The following VWA3A variants were observed in gnomAD, a reference collection of about 807,000 sequenced individuals.
The protein encoded by VWA3A is von Willebrand factor A domain containing 3A.
Under a neutral mutation model 160.4 loss-of-function variants are expected in VWA3A, and 134 were observed. The ratio of observed to expected loss-of-function variants is 0.84; its 90% CI spans 0.73 to 0.96. VWA3A has a LOEUF of 0.96. VWA3A is among the 40% of genes least tolerant of loss of function. The pLI, the probability that VWA3A is intolerant of heterozygous loss-of-function variation, is 0.00. For synonymous variants in VWA3A, 476 were observed against 543.4 expected, an observed-to-expected ratio of 0.88 and a Z score of 1.72; for missense variants, 1,310 against 1,447.9, an observed-to-expected ratio of 0.90 and a Z score of 1.55.
chr16:22,134,156 A>AG (rs1209184704), intron 20 of VWA3A, among the ~76,000 whole-genome samples: 1 of 151,818 alleles, frequency 6.6e-6, no homozygotes, highest in Non-Finnish European at 1.5e-5. Flanking sequence ...TTTATAGAGA[A>AG]GGGGTCTCAC....
intron 9 of VWA3A, chr16:22,116,196 AAG>A (rs2045641752): frequency 1.1e-5 from 4 of 350,434 alleles, no homozygotes; most frequent in South Asian, 8.8e-5. Context: ...AAGGAAAGAA[AAG>A]AGAAAGGAAA....
intron 1 of VWA3A, among the ~76,000 whole-genome samples, chr16:22,094,249 C>A (rs779566880): frequency 7.9e-5 from 12 of 151,906 alleles, no homozygotes; most frequent in Non-Finnish European, 1.3e-4. Context: ...GGCCAGTGTT[C>A]ATGAGGCATT....
chr16:22,096,744 C>A (rs778059204), intron 1 of VWA3A, 115 bp from the exon 2 acceptor site: 4 of 706,554 alleles, frequency 5.7e-6, no homozygotes, highest in African/African-American at 3.7e-5. Flanking sequence ...GACCCTATCT[C>A]AAAAAAAAAT....
At chr16:22,155,948 G>A in intron 33 of VWA3A, 32 bp downstream of exon 33, 1 of 1,604,906 alleles carries the variant, frequency 6.2e-7, no homozygotes, top group Non-Finnish European at 8.5e-7. Context: ...CATACTACCT[G>A]AGTGTGCACT....
chr16:22,127,444 G>GT (rs1191544192), intron 17 of VWA3A, among the ~76,000 whole-genome samples: 2 of 152,086 alleles, frequency 1.3e-5, no homozygotes, highest in East Asian at 1.9e-4. Context: ...TATATATATA[G>GT]TTTTTTAAAT....
In VWA3A at chr16:22,115,918, GAAGGAAAGGA is replaced by G. The variant is rs374423811; in HGVS notation, c.815+458_815+467del. ...GGAAGGAAGGAAGGAAGGAAGGAAG[GAAGGAAAGGA>G]AAGGAAAGGAAGGGAGGAGGGGGTG... On this transcript the variant is annotated intron_variant, in intron 9 of 33. Transcript: ENST00000389398. Among the ~76,000 whole-genome samples the G allele has an allele frequency of 5.8e-3, 181 of 31,352 alleles. 41 individuals carry two copies. The African/African-American group carries it at 0.059, about 10-fold the overall frequency. 20.6% of individuals were successfully genotyped at this position (31,352 alleles called of 152,430 possible). A position where few individuals can be genotyped will look rare whatever the true frequency, so the allele number is the denominator to read the frequency against.
At position 22,100,279 on chromosome 16, in the gene VWA3A, T is replaced by C; in HGVS notation, c.311T>C (p.Leu104Pro). The C allele has an allele frequency of 6.4e-7, 1 of 1,551,516 alleles. No individual in the cohort carries two copies. The highest frequency in any genetic ancestry group is 1.4e-5 in the African/African-American group (1 of 73,108). ...LSAHSLKCQK[L>P]TLADLISQGT... ...GCTCACAGTTTAAAATGTCAGAAACTCACCTTGGCTGACCTGATAAGCCAG... is the reference window on the plus strand; with the variant it reads ...GCTCACAGTTTAAAATGTCAGAAACCCACCTTGGCTGACCTGATAAGCCAG... The change falls in exon 4 of 34, where the codon CTC (leucine) becomes CCC (proline). Residue 104 changes from leucine (L) to proline (P), a missense_variant. Leu to Pro is a moderately conservative substitution (Grantham distance 98). Transcript: ENST00000389398.
Position 22,119,082 on chromosome 16 carries a change from C to T in VWA3A, c.1116+55C>T, listed in dbSNP as rs937923438. Reference sequence around the variant, plus strand: ...CTTCTCCCAGCAGCACTCAGCTGGCCTCGTTCCCCTTTCTCACCTGTTCAT... The same window carrying T: ...CTTCTCCCAGCAGCACTCAGCTGGCTTCGTTCCCCTTTCTCACCTGTTCAT... On this transcript the variant is annotated intron_variant, in intron 12 of 33. Coordinates refer to ENST00000389398, the MANE Select transcript of VWA3A (RefSeq NM_173615.5). The T allele has an allele frequency of 2.6e-6, 4 of 1,539,342 alleles. No homozygotes were observed. The African/African-American group carries it at 5.5e-5, about 21-fold the overall frequency.
At chr16:22,153,074 G>A (rs1008299698) in intron 31 of VWA3A, among the ~76,000 whole-genome samples, 4 of 152,150 alleles carry the variant, frequency 2.6e-5, no homozygotes, top group Admixed American at 6.5e-5. Flanking sequence ...AGCTGGGCAC[G>A]GTGGTTCACA....
chr16:22,131,854 A>G, intron 19 of VWA3A, 125 bp downstream of exon 19: 2 of 1,320,282 alleles, frequency 1.5e-6, no homozygotes, highest in South Asian at 3.1e-5. Flanking sequence ...ACTTTAATGT[A>G]TAGACAAGCA....
Position 22,156,076 on chromosome 16 carries a change from C to T in VWA3A, c.*59C>T. The T allele has an allele frequency of 1.3e-6, 1 of 744,022 alleles. No individual in the cohort carries two copies. Among genetic ancestry groups the T allele is most frequent in the East Asian group, 2.7e-5 (1 of 36,680 alleles). The allele number at this position is 744,022 out of a possible 1,614,324, so 46.1% of individuals were successfully genotyped here. A position where few individuals can be genotyped will look rare whatever the true frequency, so the allele number is the denominator to read the frequency against. ...ACCACTCACTGAGCAAATCTCAGCC[C>T]CGAGGGCAGGATGGGATGAAATGCT... On this transcript the variant is annotated 3_prime_UTR_variant, in exon 34 of 34. Coordinates refer to ENST00000389398, the MANE Select transcript of VWA3A (RefSeq NM_173615.5).
chr16:22,133,486 A>G (rs1197489825), intron 20 of VWA3A, among the ~76,000 whole-genome samples: 1 of 151,954 alleles, frequency 6.6e-6, no homozygotes, highest in Non-Finnish European at 1.5e-5. Flanking sequence ...ACTCTATTAA[A>G]AATACAAAAA....
chr16:22,092,755 G>A (rs1221620376), intron 1 of VWA3A, 104 bp downstream of exon 1: 16 of 1,437,896 alleles, frequency 1.1e-5, no homozygotes, highest in Non-Finnish European at 1.0e-5. Flanking sequence ...AGCTTGGGGT[G>A]TGAAGTGTCC....
Position 22,148,245 on chromosome 16 carries a change from CA to C in VWA3A, c.2924del (p.Gln975ArgfsTer3). ...GTCAGGGTCCATGGGCCCCTACCTG[CA>C]GCAGGTGAAGACAGAGCTGGTTTTG... ...DTSGSMGPYL[Q>X]QVKTELVLLI... On this transcript the variant is annotated frameshift_variant, in exon 28 of 34. Transcript: ENST00000389398. LOFTEE classifies it high-confidence loss of function. The C allele has an allele frequency of 6.3e-7, 1 of 1,598,958 alleles. No individual in the cohort carries two copies. The highest frequency in any genetic ancestry group is 8.5e-7 in the Non-Finnish European group (1 of 1,173,094).
intron 6 of VWA3A, among the ~76,000 whole-genome samples, chr16:22,106,058 AAGGGAACAG>A (rs2045478412): frequency 6.6e-6 from 1 of 152,186 alleles, no homozygotes; most frequent in Admixed American, 6.5e-5. Context: ...AAAGCTGAGT[AAGGGAACAG>A]AGGGTGGAAC....
chr16:22,126,298 G>C lies in VWA3A; in HGVS notation c.1652+1G>C, dbSNP rs367761422. 14 of 1,610,864 alleles carry C rather than the reference G, an allele frequency of 8.7e-6. No individual in the cohort carries two copies. The highest frequency in any genetic ancestry group is 3.4e-5 in the Admixed American group (2 of 59,688). On this transcript the variant is annotated splice_donor_variant, in intron 17 of 33. Transcript: ENST00000389398. LOFTEE classifies it high-confidence loss of function. ...ACAAGGACTGTTTCAACCTCATCGC[G>C]TATGTGTCTCCTGGCTCCTGGGGGC...
chr16:22,132,535 G>A (rs908304540), intron 19 of VWA3A, among the ~76,000 whole-genome samples: 5 of 152,076 alleles, frequency 3.3e-5, no homozygotes, highest in African/African-American at 7.2e-5. Context: ...GCAACAGAGC[G>A]AGACCCTGTC....
chr16:22,107,234 G>A (rs1476415875), intron 6 of VWA3A, among the ~76,000 whole-genome samples: 1 of 152,192 alleles, frequency 6.6e-6, no homozygotes, highest in Non-Finnish European at 1.5e-5. Flanking sequence ...GGAACATTTA[G>A]CAATGTCTGG....
intron 1 of VWA3A, among the ~76,000 whole-genome samples, chr16:22,094,679 G>T (rs2045288494): frequency 6.6e-6 from 1 of 152,046 alleles, no homozygotes; most frequent in African/African-American, 2.4e-5. Context: ...CAAGAACCAA[G>T]GCAGGTTGGG....
Sources: gnomAD v4.1 joint callset for allele counts (sites outside exome capture counted in the v4.1 genomes callset) on GRCh38, gnomAD v4.1.1 for gene constraint, MANE v1.5 for transcripts, NCBI Gene and HGNC (gene_info 2026-07-23, HGNC 2026-07-21) for gene names.